The following TTC7B variants were observed in gnomAD, a reference collection of about 807,000 sequenced individuals.
TTC7B encodes the protein tetratricopeptide repeat domain 7B, also known as tetratricopeptide repeat protein 7B.
Under a neutral mutation model 106.8 loss-of-function variants are expected in TTC7B, and 28 were observed. The observed-to-expected ratio is 0.26, with a 90% confidence interval of 0.19 to 0.36. The LOEUF (loss-of-function observed/expected upper bound fraction) is 0.36, where lower values mean the gene tolerates loss of function less well. Among genes scored for constraint, TTC7B ranks in the 10% least tolerant of loss-of-function variants. The pLI is 1.00. For synonymous variants in TTC7B, 405 were observed against 430.6 expected (o/e 0.94, Z 0.74); for missense variants, 862 against 1,076.4 (o/e 0.80, Z 2.79).
intron 19 of TTC7B, among the ~76,000 whole-genome samples, chr14:90,565,624 T>A (rs915093846): frequency 6.6e-6 from 1 of 152,034 alleles, no homozygotes; most frequent in African/African-American, 2.4e-5. Context: ...ATGGTCTCGA[T>A]CTCCTGACCC....
chr14:90,557,244 T>C (rs1225928055), intron 19 of TTC7B, among the ~76,000 whole-genome samples: 2 of 152,092 alleles, frequency 1.3e-5, no homozygotes, highest in African/African-American at 4.8e-5. Context: ...CAAAGGCCTG[T>C]CCCCAGTTAT....
chr14:90,728,676 A>G (rs1889207507), intron 5 of TTC7B, among the ~76,000 whole-genome samples: 1 of 152,202 alleles, frequency 6.6e-6, no homozygotes, highest in African/African-American at 2.4e-5. Flanking sequence ...ATGCAAATAA[A>G]TTACCCAACC....
intron 15 of TTC7B, among the ~76,000 whole-genome samples, chr14:90,643,323 G>A (rs966730052): frequency 5.3e-5 from 8 of 151,828 alleles, no homozygotes; most frequent in African/African-American, 1.5e-4. Context: ...CAGGAAAATC[G>A]CTTGAACCCG....
In TTC7B at chr14:90,744,792, C is replaced by T. The variant is rs753151318; in HGVS notation, c.576G>A (p.Arg192=). 1.2e-6 allele frequency: 2 copies of T among 1,612,314 alleles called. No individual in the cohort carries two copies. The highest frequency in any genetic ancestry group is 4.5e-5 in the East Asian group (2 of 44,854). The change falls in exon 4 of 20, where the codon AGG becomes AGA. Residue 192 remains arginine (R), a splice_region_variant and synonymous_variant. Coordinates refer to ENST00000328459, the MANE Select transcript of TTC7B (RefSeq NM_001010854.2). ...GAACAAACACGTGGTCCTCACTTAC[C>T]CTTTCTATCTCTTGGAGATACAGGA... ...IALLYLQEIE[R]VILSNIQNRS...
At position 90,742,294 on chromosome 14, in the gene TTC7B, T is replaced by A. The variant is rs1007469442; in HGVS notation, c.576+2498A>T. ...GTTTCTCTCTCTCTCCTTCCCTCCC[T>A]TCCTCCCTCCCTCCTTTCTCTTTCT... On this transcript the variant is annotated intron_variant, in intron 4 of 19. Transcript: ENST00000328459. This position sits in a 1 kb window ranked among gnomAD's most constrained non-coding sequence, Gnocchi z 4.1. Among the ~76,000 whole-genome samples, 3 of 150,946 alleles carry A rather than the reference T, an allele frequency of 2.0e-5. No homozygotes were observed. The highest frequency in any genetic ancestry group is 3.0e-5 in the Non-Finnish European group (2 of 67,750).
intron 5 of TTC7B, among the ~76,000 whole-genome samples, chr14:90,714,071 C>A (rs1192357386): frequency 6.6e-6 from 1 of 151,978 alleles, no homozygotes; most frequent in Non-Finnish European, 1.5e-5. Flanking sequence ...CTATTAAAAA[C>A]ACAAAAAAAT....
chr14:90,621,423 TGATG>T, intron 15 of TTC7B, among the ~76,000 whole-genome samples: 1 of 138,876 alleles, frequency 7.2e-6, no homozygotes, highest in African/African-American at 2.8e-5. Context: ...ACAGCCGGGA[TGATG>T]GGCAGAAGCC....
At chr14:90,735,465 C>G (rs1344002637) in intron 4 of TTC7B, among the ~76,000 whole-genome samples, 6 of 151,616 alleles carry the variant, frequency 4.0e-5, no homozygotes, top group Non-Finnish European at 7.4e-5. Flanking sequence ...TATGATCACA[C>G]CACTGCACTC....
intron 1 of TTC7B, among the ~76,000 whole-genome samples, chr14:90,787,823 T>C (rs1201451101): frequency 1.3e-5 from 2 of 152,172 alleles, no homozygotes; most frequent in African/African-American, 2.4e-5. Context: ...AAAACAGGGC[T>C]GAGTTCAGGT....
intron 6 of TTC7B, among the ~76,000 whole-genome samples, chr14:90,691,075 T>C (rs992308835): frequency 1.3e-5 from 2 of 152,244 alleles, no homozygotes; most frequent in Non-Finnish European, 2.9e-5. Flanking sequence ...CCTTCCATTA[T>C]AGTTTCATTT....
At chr14:90,603,194 T>TG in intron 17 of TTC7B, 2 of 1,107,370 alleles carry the variant, frequency 1.8e-6, no homozygotes, top group Non-Finnish European at 2.4e-6. Flanking sequence ...CATTCCGTGG[T>TG]GGGGGGAGTG....
chr14:90,673,781 G>A (rs1886719746), intron 9 of TTC7B, among the ~76,000 whole-genome samples: 1 of 152,154 alleles, frequency 6.6e-6, no homozygotes, highest in Non-Finnish European at 1.5e-5. Context: ...ATTGATCCAT[G>A]TTATAATGTG....
intron 8 of TTC7B, among the ~76,000 whole-genome samples, chr14:90,679,133 G>A (rs1348750353): frequency 6.6e-6 from 1 of 152,186 alleles, no homozygotes; most frequent in Non-Finnish European, 1.5e-5. Context: ...GAATGTAAAT[G>A]ACACCACCCT....
At chr14:90,661,140 G>A (rs1477447855) in intron 9 of TTC7B, among the ~76,000 whole-genome samples, 13 of 152,370 alleles carry the variant, frequency 8.5e-5, no homozygotes, top group African/African-American at 2.6e-4. Context: ...GCCATGAGGC[G>A]CTGCAGCTGC....
Position 90,759,629 on chromosome 14 carries a change from T to G in TTC7B, c.446-14707A>C, listed in dbSNP as rs111597062. Among the ~76,000 whole-genome samples, 376 of 152,280 alleles carry G rather than the reference T, an allele frequency of 2.5e-3. 1 individual carries two copies. Among genetic ancestry groups the G allele is most frequent in the African/African-American group, 8.6e-3 (359 of 41,550 alleles). On this transcript the variant is annotated intron_variant, in intron 3 of 19. Transcript: ENST00000328459. The surrounding 1 kb of genome is among the most constrained non-coding windows in gnomAD (Gnocchi z 4.1). ...CCAAACAGCTTGAAAGTTGACAAAT[T>G]GAGATGAACCAGCTCGTCGGTGAGT...
intron 9 of TTC7B, among the ~76,000 whole-genome samples, chr14:90,669,636 C>T (rs1266030147): frequency 6.6e-6 from 1 of 151,740 alleles, no homozygotes; most frequent in African/African-American, 2.4e-5. Context: ...AGTAGTTTCA[C>T]CAAAGAAGAT....
At chr14:90,662,447 C>G (rs899556539) in intron 9 of TTC7B, among the ~76,000 whole-genome samples, 1 of 152,192 alleles carries the variant, frequency 6.6e-6, no homozygotes, top group Non-Finnish European at 1.5e-5. Flanking sequence ...ACAGCCAAGG[C>G]CCCGAAGGTA....
chr14:90,752,111 C>T (rs1390429183), intron 3 of TTC7B, among the ~76,000 whole-genome samples: 1 of 152,084 alleles, frequency 6.6e-6, no homozygotes, highest in Non-Finnish European at 1.5e-5. Flanking sequence ...GGCTGAGGAC[C>T]CTCTATACTT....
chr14:90,697,040 A>G (rs1887781157), intron 5 of TTC7B, among the ~76,000 whole-genome samples: 1 of 152,236 alleles, frequency 6.6e-6, no homozygotes, highest in Non-Finnish European at 1.5e-5. Context: ...ATGGTAGTCT[A>G]ACTTTGTTCC....
Sources: gnomAD v4.1 joint callset for allele counts (sites outside exome capture counted in the v4.1 genomes callset) on GRCh38, gnomAD v4.1.1 for gene constraint, Gnocchi (gnomAD v3.1) non-coding constraint, MANE v1.5 for transcripts, NCBI Gene and HGNC (gene_info 2026-07-23, HGNC 2026-07-21) for gene names.